Variants in COL6A2 observed in about 807,000 individuals in gnomAD.
The protein encoded by COL6A2 is collagen alpha-2(VI) chain.
In COL6A2, 90 loss-of-function variants were observed where a neutral mutation model predicts 124.9. The observed-to-expected ratio is 0.72, with a 90% CI of 0.61 to 0.86. The LOEUF (loss-of-function observed/expected upper bound fraction) is 0.86. Ranked by LOEUF, COL6A2 falls within the 40% of genes least tolerant of loss-of-function variation. COL6A2 has a pLI of 0.00. For missense variants in COL6A2, 1,607 were observed against 1,502.5 expected (o/e 1.07, Z -1.15); for synonymous variants, 793 against 618.2 (o/e 1.28, Z -4.19).
chr21:46,122,613 C>T (rs1423327034), intron 20 of COL6A2, 82 bp downstream of exon 20: 3 of 1,471,394 alleles, frequency 2.0e-6, no homozygotes, highest in Non-Finnish European at 2.8e-6. Context: ...TGCCCACCGT[C>T]ACTGACAGGA....
chr21:46,123,909 G>GGGTGGAT (rs2078613108), intron 21 of COL6A2, among the ~76,000 whole-genome samples: 1 of 143,448 alleles, frequency 7.0e-6, no homozygotes, highest in Admixed American at 6.9e-5. Flanking sequence ...ATGGATGGGT[G>GGGTGGAT]GGTGGATAGA....
chr21:46,124,542 C>A (rs965016255), intron 21 of COL6A2, 109 bp from the exon 22 acceptor site: 9 of 954,358 alleles, frequency 9.4e-6, no homozygotes, highest in African/African-American at 1.6e-5. Flanking sequence ...TGTTAGCCCC[C>A]CCCCCCGCCA....
rs2078655738 is a variant in COL6A2 at position 46,125,835 on chromosome 21, A to C, written c.2020A>C (p.Ile674Leu). 6.2e-7 allele frequency: 1 copy of C among 1,612,690 alleles called. No homozygotes were observed. The highest frequency in any genetic ancestry group is 1.3e-5 in the African/African-American group (1 of 74,854). ...CAGCCACGAGGGCACCTTTGAGGCC[A>C]TCCAGCTGGACGACGAACGTATCGA... ...QYSHEGTFEA[I>L]QLDDERIDSL... The change falls in exon 26 of 28, where the codon ATC (isoleucine) becomes CTC (leucine). Residue 674 changes from isoleucine to leucine, a missense_variant. Transcript: ENST00000300527.
intron 23 of COL6A2, 110 bp downstream of exon 23, chr21:46,125,030 G>C: frequency 7.2e-7 from 1 of 1,388,072 alleles, no homozygotes; most frequent in African/African-American, 1.4e-5. Context: ...CAAGATCAGT[G>C]GAGGAGGTCA....
At position 46,117,603 on chromosome 21, in the gene COL6A2, C is replaced by T. The variant is rs930455831; in HGVS notation, c.1053+150C>T. The T allele has an allele frequency of 8.1e-5, 71 of 878,924 alleles. No individual in the cohort carries two copies. In the African/African-American group the frequency reaches 8.3e-4, roughly 10 times the overall value. The allele number at this position is 878,924 out of a possible 1,614,324, so 54.4% of individuals were successfully genotyped here. A position where few individuals can be genotyped will look rare whatever the true frequency, so the allele number is the denominator to read the frequency against. On this transcript the variant is annotated intron_variant, in intron 11 of 27. Transcript: ENST00000300527. Reference sequence around the variant, plus strand: ...CAGCAGCCCCAGCCCAGCATTCTGCCGGGTCGGAGTCATGTGAGGAACTCC... The same window carrying T: ...CAGCAGCCCCAGCCCAGCATTCTGCTGGGTCGGAGTCATGTGAGGAACTCC...
rs928704693 is a variant in COL6A2, at chr21:46,101,921, T to G, written c.-28+3748T>G. ...GATTCCATCTAAATTTTAGGATTTATTCACTATTTCTGAAAAAAAAAACAA... is the reference window on the plus strand; with the variant it reads ...GATTCCATCTAAATTTTAGGATTTAGTCACTATTTCTGAAAAAAAAAACAA... On this transcript the variant is annotated intron_variant, in intron 1 of 27. Coordinates refer to ENST00000300527, the MANE Select transcript of COL6A2 (RefSeq NM_001849.4). Among the ~76,000 whole-genome samples, 3 of 122,400 alleles carry G rather than the reference T, an allele frequency of 2.5e-5. No homozygotes were observed. The Admixed American group carries it at 2.8e-4, about 12-fold the overall frequency. 80.3% of individuals were successfully genotyped at this position (122,400 alleles called of 152,430 possible). A position where few individuals can be genotyped will look rare whatever the true frequency, so the allele number is the denominator to read the frequency against.
In COL6A2 at chr21:46,112,332, G is replaced by A. The variant is rs756242788; in HGVS notation, c.469G>A (p.Ala157Thr). ...CCGCAGCAAGGGCACCGTCCACTTC[G>A]CCGTGGTCATCACCGACGGCCACGT... Reference protein sequence around the residue: ...QDRSKGTVHFAVVITDGHVTG... With the variant: ...QDRSKGTVHFTVVITDGHVTG... The change falls in exon 3 of 28, where the codon GCC (alanine) becomes ACC (threonine). Residue 157 changes from alanine to threonine, a missense_variant. This residue lies in a region of COL6A2 where 342 missense variants were observed against 381.5 expected (regional missense o/e 0.90). Coordinates refer to ENST00000300527, the MANE Select transcript of COL6A2 (RefSeq NM_001849.4). The A allele has an allele frequency of 2.0e-5, 33 of 1,610,820 alleles. No homozygotes were observed. In the Admixed American group the frequency reaches 3.5e-4, roughly 17 times the overall value.
chr21:46,125,711 G>A (rs560109076), intron 25 of COL6A2, 74 bp from the exon 26 acceptor site: 16 of 1,596,532 alleles, frequency 1.0e-5, no homozygotes, highest in African/African-American at 8.0e-5. Flanking sequence ...TCCCTCCAAC[G>A]AGGGCCTCTG....
chr21:46,118,231 C>T lies in COL6A2; in HGVS notation c.1116+295C>T, dbSNP rs78266074. Among the ~76,000 whole-genome samples, 285 of 152,242 alleles carry T rather than the reference C, an allele frequency of 1.9e-3. 2 individuals are homozygous for T. The highest frequency in any genetic ancestry group is 6.5e-3 in the African/African-American group (271 of 41,538). ...CACCTCCTGGAGCTCCCCATGGGAACGTTGGTGCCCCAGGGGCTCTGCCCT... is the reference window on the plus strand; with the variant it reads ...CACCTCCTGGAGCTCCCCATGGGAATGTTGGTGCCCCAGGGGCTCTGCCCT... On this transcript the variant is annotated intron_variant, in intron 12 of 27. Transcript: ENST00000300527.
intron 21 of COL6A2, among the ~76,000 whole-genome samples, chr21:46,124,149 GGATA>G (rs965355279): frequency 2.7e-4 from 41 of 151,508 alleles, no homozygotes; most frequent in Admixed American, 9.9e-4. Context: ...GTAAGTGAGT[GGATA>G]GATAGATGGG....
rs369093181 is a variant in COL6A2, at chr21:46,128,895, C to T, written c.2461+2354C>T. The T allele has an allele frequency of 4.5e-5, 73 of 1,610,120 alleles. 1 individual carries two copies. Among genetic ancestry groups the T allele is most frequent in the South Asian group, 2.9e-4 (26 of 91,024 alleles). On this transcript the variant is annotated intron_variant, in intron 27 of 27. Coordinates refer to ENST00000300527, the MANE Select transcript of COL6A2 (RefSeq NM_001849.4). ...GCCCTACTGGAGTTTGGCCTGTCTC[C>T]GGCACAGGTTTGGACGGAGCTGTTT...
In COL6A2 at chr21:46,118,652, A is replaced by G; in HGVS notation, c.1155A>G (p.Gly385=). Residue 385 remains glycine, a synonymous_variant, in exon 13 of 28, where the codon GGA becomes GGG. Transcript: ENST00000300527. ...GCCCAGGACGCAGAGGGCCCCCGGG[A>G]GAAATCGGGGCCAAGGGAAGCAAGG... ...PGRPGRRGPP[G]EIGAKGSKGY... 6.2e-7 allele frequency: 1 copy of G among 1,612,118 alleles called. No individual in the cohort carries two copies. Among genetic ancestry groups the G allele is most frequent in the Non-Finnish European group, 8.5e-7 (1 of 1,179,762 alleles).
Position 46,117,851 on chromosome 21 carries a change from T to G in COL6A2, c.1054-23T>G, listed in dbSNP as rs2078498039. On this transcript the variant is annotated intron_variant, in intron 11 of 27. Transcript: ENST00000300527. ...GAACCCCACCCGCCGTGTGCCGAGC[T>G]CCACCTCTCACTCCTCTCTCAGGGC... The G allele has an allele frequency of 5.0e-6, 8 of 1,605,028 alleles. No homozygotes were observed. The South Asian group carries it at 9.0e-5, about 18-fold the overall frequency.
intron 4 of COL6A2, among the ~76,000 whole-genome samples, chr21:46,113,251 G>T (rs1411272177): frequency 6.6e-6 from 1 of 152,140 alleles, no homozygotes; most frequent in Non-Finnish European, 1.5e-5. Context: ...CCCCCGTGAG[G>T]CTTCCTGCAA....
At chr21:46,117,644 G>A (rs1167867360) in intron 11 of COL6A2, 191 bp downstream of exon 11, 3 of 744,488 alleles carry the variant, frequency 4.0e-6, no homozygotes, top group South Asian at 3.2e-5. Flanking sequence ...GGAGCTCCTG[G>A]CGGATCCCCG....
At position 46,123,695 on chromosome 21, in the gene COL6A2, A is replaced by ATGTAT. The variant is rs1324396559; in HGVS notation, c.1671+758_1671+759insTGTAT. ...TAGATGTATGGGTGAGTAGGTGGGT[A>ATGTAT]GGTGGGTAGATGGATGGGTGGGTGG... On this transcript the variant is annotated intron_variant, in intron 21 of 27. Transcript: ENST00000300527. Among the ~76,000 whole-genome samples, 243 of 150,068 alleles carry ATGTAT rather than the reference A, an allele frequency of 1.6e-3. 1 individual carries two copies. Among genetic ancestry groups the ATGTAT allele is most frequent in the Non-Finnish European group, 3.0e-3 (205 of 67,382 alleles).
At chr21:46,122,707 G>A (rs1365336273) in intron 20 of COL6A2, among the ~76,000 whole-genome samples, 168 bp from the exon 21 acceptor site, 1 of 146,362 alleles carries the variant, frequency 6.8e-6, no homozygotes, top group Non-Finnish European at 1.5e-5. Flanking sequence ...GTCAGCCACT[G>A]GCTGGTCCCT....
At chr21:46,127,763 T>G (rs1032964250) in intron 27 of COL6A2, among the ~76,000 whole-genome samples, 13 of 152,090 alleles carry the variant, frequency 8.5e-5, no homozygotes, top group African/African-American at 3.1e-4. Flanking sequence ...CCAGTGTGAG[T>G]GGCCGCTATG....
intron 1 of COL6A2, among the ~76,000 whole-genome samples, chr21:46,107,069 AT>A (rs1568921867): frequency 6.6e-6 from 1 of 152,064 alleles, no homozygotes; most frequent in African/African-American, 2.4e-5. Context: ...TTTCTCAAAA[AT>A]TTTTTTGAGT....
Sources: gnomAD v4.1 joint callset for allele counts (sites outside exome capture counted in the v4.1 genomes callset) on GRCh38, gnomAD v4.1.1 for gene constraint, gnomAD v4.1.1 regional missense constraint, MANE v1.5 for transcripts, NCBI Gene and HGNC (gene_info 2026-07-23, HGNC 2026-07-21) for gene names.